Variants in MAP4 observed in about 807,000 individuals in gnomAD.
MAP4 encodes the protein microtubule-associated protein 4.
In MAP4, 76 loss-of-function variants were observed where a neutral mutation model predicts 170.2. That is an observed-to-expected ratio of 0.45 (90% CI 0.37 to 0.54). The LOEUF is 0.54. MAP4 is among the 20% of genes least tolerant of loss of function. The probability of loss-of-function intolerance (pLI) is 0.00; values close to 1 mark genes in which losing one functional copy is unlikely to be tolerated. For missense variants in MAP4, 2,506 were observed against 2,748.0 expected (o/e 0.91, Z 1.97); for synonymous variants, 909 against 994.5 (o/e 0.91, Z 1.62).
chr3:47,913,770 G>C (rs1017679128), intron 8 of MAP4, among the ~76,000 whole-genome samples: 1 of 152,098 alleles, frequency 6.6e-6, no homozygotes, highest in African/African-American at 2.4e-5. Context: ...GAGATTCTAA[G>C]TGAAATAAGT....
intron 3 of MAP4, among the ~76,000 whole-genome samples, chr3:47,948,115 A>G (rs1386748741): frequency 6.6e-6 from 1 of 151,386 alleles, no homozygotes; most frequent in East Asian, 2.0e-4. Flanking sequence ...CTCCTGACTC[A>G]GGCTCCCAAG....
chr3:48,087,689 G>C (rs1053381111), intron 1 of MAP4, among the ~76,000 whole-genome samples: 2 of 151,610 alleles, frequency 1.3e-5, no homozygotes, highest in Non-Finnish European at 2.9e-5. Context: ...GAAATGGGCG[G>C]GAGACGCGCG....
chr3:48,005,033 A>T (rs760091282), intron 1 of MAP4, among the ~76,000 whole-genome samples: 3 of 152,114 alleles, frequency 2.0e-5, no homozygotes, highest in Non-Finnish European at 2.9e-5. Flanking sequence ...TGAGGTTGAG[A>T]GTGTGACCCA....
chr3:48,081,243 T>C (rs527342392), intron 1 of MAP4, among the ~76,000 whole-genome samples: 335 of 151,964 alleles, frequency 2.2e-3, no homozygotes, highest in African/African-American at 7.8e-3. Context: ...TGAGCCGAGA[T>C]TGCGCCACTG....
rs369028298 is a variant in MAP4, at chr3:48,049,724, A to C, written c.-20+39049T>G. Among the ~76,000 whole-genome samples, 613 of 152,166 alleles carry C rather than the reference A, an allele frequency of 4.0e-3. 6 individuals carry two copies. The highest frequency in any genetic ancestry group is 0.014 in the African/African-American group (594 of 41,514). Reference sequence around the variant, plus strand: ...AAGGCAGGCGGATCGCGACGTCAGGAGTTTGAGACCAGCCTGGCCAACATA... The same window carrying C: ...AAGGCAGGCGGATCGCGACGTCAGGCGTTTGAGACCAGCCTGGCCAACATA... On this transcript the variant is annotated intron_variant, in intron 1 of 18. Transcript: ENST00000360240.
chr3:47,921,708 G>A (rs2100042947), intron 5 of MAP4, 57 bp downstream of exon 5: 2 of 1,001,926 alleles, frequency 2.0e-6, no homozygotes, highest in South Asian at 1.3e-5. Flanking sequence ...CCAAAGATGA[G>A]TAAAGAAAAA....
chr3:47,891,573 G>A (rs1259381298), intron 10 of MAP4: 1 of 1,533,318 alleles, frequency 6.5e-7, no homozygotes, highest in African/African-American at 1.4e-5. Context: ...GGAACTGAGA[G>A]GTGAGAACAT....
chr3:48,043,568 T>C (rs554281893), intron 1 of MAP4, among the ~76,000 whole-genome samples: 1 of 152,338 alleles, frequency 6.6e-6, no homozygotes, highest in East Asian at 1.9e-4. Context: ...TTTAGAATAT[T>C]TTCTACAAAT....
intron 1 of MAP4, among the ~76,000 whole-genome samples, chr3:48,074,676 TTGTGTGTGTG>T (rs555691222): frequency 8.9e-4 from 81 of 90,636 alleles, no homozygotes; most frequent in South Asian, 3.6e-3. Context: ...ATCCAGCTAA[TTGTGTGTGTG>T]TGTGTGTGTG....
rs1559462194 is a variant in MAP4 at position 47,918,710 on chromosome 3, A to G, written c.652+9T>C. The G allele has an allele frequency of 2.5e-6, 4 of 1,603,838 alleles. No homozygotes were observed. Among genetic ancestry groups the G allele is most frequent in the Non-Finnish European group, 3.4e-6 (4 of 1,171,226 alleles). On this transcript the variant is annotated intron_variant, in intron 6 of 20. Transcript: ENST00000683076. ...CATTAACTGATAAAGGGAGTCTCTAATAGTTTACCTGCCGTTGGCTGAGGA... is the reference window on the plus strand; with the variant it reads ...CATTAACTGATAAAGGGAGTCTCTAGTAGTTTACCTGCCGTTGGCTGAGGA...
chr3:47,873,248 G>A (rs1050695018), intron 12 of MAP4, among the ~76,000 whole-genome samples: 36 of 152,192 alleles, frequency 2.4e-4, no homozygotes, highest in Non-Finnish European at 4.9e-4. Context: ...TTGGCATCTG[G>A]GTCACTCTAG....
chr3:48,084,348 T>C (rs2100148026), intron 1 of MAP4, among the ~76,000 whole-genome samples: 1 of 146,106 alleles, frequency 6.8e-6, no homozygotes, highest in Non-Finnish European at 1.5e-5. Context: ...CAGTGAGCTA[T>C]GATCTCCCCC....
At chr3:48,067,147 C>T (rs926597031) in intron 1 of MAP4, among the ~76,000 whole-genome samples, 1 of 151,830 alleles carries the variant, frequency 6.6e-6, no homozygotes. Flanking sequence ...GCCTCTAATT[C>T]CTTAAATAAT....
At chr3:48,079,524 G>A (rs1198450606) in intron 1 of MAP4, among the ~76,000 whole-genome samples, 1 of 151,644 alleles carries the variant, frequency 6.6e-6, no homozygotes, top group Non-Finnish European at 1.5e-5. Context: ...GCCTGGTGGT[G>A]TGCACCTGTA....
chr3:47,862,161 CA>C (rs58780669), intron 17 of MAP4, among the ~76,000 whole-genome samples: 4,469 of 82,736 alleles, frequency 0.054, 79 homozygotes, highest in East Asian at 0.17. Flanking sequence ...ACTCTGTCTC[CA>C]AAAAAAAAAA....
intron 1 of MAP4, among the ~76,000 whole-genome samples, chr3:48,024,904 A>G (rs368381102): frequency 6.6e-5 from 10 of 152,076 alleles, no homozygotes; most frequent in South Asian, 2.1e-4. Flanking sequence ...AGTAAAAGTT[A>G]TTATCACAAT....
intron 1 of MAP4, among the ~76,000 whole-genome samples, chr3:48,062,494 TAAA>T (rs1156947592): frequency 1.5e-4 from 12 of 81,554 alleles, no homozygotes; most frequent in African/African-American, 3.6e-4. Flanking sequence ...GAATGATCAA[TAAA>T]AAAAAAAAAA....
At chr3:47,928,086 A>C in intron 4 of MAP4, 142 bp downstream of exon 4, 1 of 940,550 alleles carries the variant, frequency 1.1e-6, no homozygotes, top group South Asian at 1.9e-5. Context: ...TAAATGAAGA[A>C]GAGAAAGGGA....
intron 1 of MAP4, among the ~76,000 whole-genome samples, chr3:48,062,694 G>A (rs1309869419): frequency 5.9e-5 from 9 of 151,322 alleles, no homozygotes; most frequent in East Asian, 3.9e-4. Context: ...AGGCTGAGGC[G>A]GGCAGATCAC....
Sources: gnomAD v4.1 joint callset for allele counts (sites outside exome capture counted in the v4.1 genomes callset) on GRCh38, gnomAD v4.1.1 for gene constraint, MANE v1.5 for transcripts, NCBI Gene and HGNC (gene_info 2026-07-23, HGNC 2026-07-21) for gene names.